RPRD2: variants seen among roughly 807,000 people sequenced by gnomAD.
The protein encoded by RPRD2 is regulation of nuclear pre-mRNA domain-containing protein 2.
Under a neutral mutation model 104.4 loss-of-function variants are expected in RPRD2, and 12 were observed. The observed-to-expected ratio is 0.11, with a 90% CI of 0.07 to 0.19. The LOEUF (loss-of-function observed/expected upper bound fraction) is 0.19. RPRD2 is among the 10% of genes least tolerant of loss of function. RPRD2 has a pLI of 1.00. For synonymous variants in RPRD2, 714 were observed against 684.9 expected, an observed-to-expected ratio of 1.04 and a Z score of -0.66; for missense variants, 1,543 against 1,790.1, an observed-to-expected ratio of 0.86 and a Z score of 2.49.
intron 1 of RPRD2, among the ~76,000 whole-genome samples, chr1:150,383,306 G>GGTTTTT (rs1553881150): frequency 1.6e-5 from 2 of 126,740 alleles, no homozygotes; most frequent in Non-Finnish European, 3.3e-5. Context: ...CAAATAAGAG[G>GGTTTTT]TTTTTTTTTT....
At chr1:150,431,473 A>ATTGTTTTTTTTTTTTTTTTTTTT (rs1665569162) in intron 2 of RPRD2, among the ~76,000 whole-genome samples, 1 of 78,850 alleles carries the variant, frequency 1.3e-5, no homozygotes, top group African/African-American at 4.5e-5. Flanking sequence ...AAAAGGAAGG[A>ATTGTTTTTTTTTTTTTTTTTTTT]TTTTTTTTTT....
Position 150,457,360 on chromosome 1 carries a change from G to T in RPRD2, c.943G>T (p.Asp315Tyr). ...KLDQLKSTLP[D>Y]PEESPVPSPS... ...GGATCAATTGAAGTCAACCCTTCCA[G>T]ATCCTGAAGAATCACCAGTTCCTTC... Residue 315 changes from aspartate to tyrosine, a missense_variant, in exon 8 of 11, where the codon GAT becomes TAT. Asp to Tyr is a radical substitution (Grantham distance 160). Around this residue, in one of 4 missense-constraint regions of RPRD2, gnomAD observed 572 missense variants for 787.3 expected, o/e 0.73. Coordinates refer to ENST00000369068, the MANE Select transcript of RPRD2 (RefSeq NM_015203.5). 6.2e-7 allele frequency: 1 copy of T among 1,610,348 alleles called. No individual in the cohort carries two copies. Among genetic ancestry groups the T allele is most frequent in the Non-Finnish European group, 8.5e-7 (1 of 1,176,630 alleles).
Position 150,364,668 on chromosome 1 carries a change from C to T in RPRD2, c.-47C>T. 8.7e-7 allele frequency: 1 copy of T among 1,145,880 alleles called. No homozygotes were observed. The highest frequency in any genetic ancestry group is 1.2e-6 in the Non-Finnish European group (1 of 809,122). 71.0% of individuals were successfully genotyped at this position (1,145,880 alleles called of 1,614,324 possible). ...GTTTTGCCCGCTCCCGCCGCCGCCG[C>T]CGCCGCCGCCGCCAGAGGAGCAGCA... On this transcript the variant is annotated 5_prime_UTR_variant, in exon 1 of 11. Transcript: ENST00000369068.
In RPRD2 at chr1:150,465,447, T is replaced by C. The variant is rs191073340; in HGVS notation, c.1612+720T>C. Among the ~76,000 whole-genome samples the C allele has an allele frequency of 5.0e-3, 754 of 152,302 alleles. 5 individuals carry two copies. Among genetic ancestry groups the C allele is most frequent in the Non-Finnish European group, 7.6e-3 (518 of 68,034 alleles). On this transcript the variant is annotated intron_variant, in intron 10 of 10. Coordinates refer to ENST00000369068, the MANE Select transcript of RPRD2 (RefSeq NM_015203.5). ...TTTTTTATATTTATCATCTATGAGC[T>C]GACATCTGAAGAATTATAAAATGTG...
intron 1 of RPRD2, among the ~76,000 whole-genome samples, chr1:150,394,942 A>G (rs936508756): frequency 6.6e-6 from 1 of 152,228 alleles, no homozygotes; most frequent in Non-Finnish European, 1.5e-5. Context: ...CAAAGGTTTT[A>G]TCAGAAAATA....
rs776287418 is a variant in RPRD2 at position 150,472,008 on chromosome 1, C to G, written c.3060C>G (p.Pro1020=). Residue 1020 remains proline, a synonymous_variant, in exon 11 of 11, where the codon CCC becomes CCG. Transcript: ENST00000369068. ...KNMLKNASRK[P]SDDKHFGQAP... ...TGCTTAAAAACGCCTCACGTAAGCCCTCAGATGATAAGCATTTTGGCCAGG... is the reference window on the plus strand; with the variant it reads ...TGCTTAAAAACGCCTCACGTAAGCCGTCAGATGATAAGCATTTTGGCCAGG... 6.2e-7 allele frequency: 1 copy of G among 1,613,944 alleles called. No homozygotes were observed. Among genetic ancestry groups the G allele is most frequent in the South Asian group, 1.1e-5 (1 of 91,082 alleles).
chr1:150,431,273 T>A (rs924378906), intron 2 of RPRD2, among the ~76,000 whole-genome samples: 8 of 151,974 alleles, frequency 5.3e-5, no homozygotes, highest in African/African-American at 1.9e-4. Context: ...TACCACATGA[T>A]CCAGCAGTTC....
chr1:150,464,647 T>C lies in RPRD2; in HGVS notation c.1532T>C (p.Leu511Pro). 6.2e-7 allele frequency: 1 copy of C among 1,612,586 alleles called. No individual in the cohort carries two copies. Among genetic ancestry groups the C allele is most frequent in the Non-Finnish European group, 8.5e-7 (1 of 1,179,406 alleles). The stretch of plus-strand genomic sequence containing the variant: ...TCTCACAACCCTCTGGCAAATATCC[T>C]CTCCAAGGTGGAGATCACCCCAGAG... Reference protein sequence around the residue: ...TTSHNPLANILSKVEITPESI... With the variant: ...TTSHNPLANIPSKVEITPESI... Residue 511 changes from leucine to proline, a missense_variant, in exon 10 of 11, where the codon CTC (leucine) becomes CCC (proline). Around this residue, in one of 4 missense-constraint regions of RPRD2, gnomAD observed 572 missense variants for 787.3 expected, o/e 0.73. Transcript: ENST00000369068.
chr1:150,441,137 C>T (rs797043682), intron 3 of RPRD2, 114 bp downstream of exon 3: 16 of 544,222 alleles, frequency 2.9e-5, no homozygotes, highest in African/African-American at 2.6e-4. Flanking sequence ...TTGAATCTAG[C>T]CCTATTTGTT....
At chr1:150,415,053 G>A (rs1217039107) in intron 1 of RPRD2, among the ~76,000 whole-genome samples, 1 of 152,188 alleles carries the variant, frequency 6.6e-6, no homozygotes, top group Non-Finnish European at 1.5e-5. Flanking sequence ...GGTCGGGTGC[G>A]GTGGCTTATG....
At chr1:150,467,155 A>G (rs1292763642) in intron 10 of RPRD2, among the ~76,000 whole-genome samples, 1 of 152,176 alleles carries the variant, frequency 6.6e-6, no homozygotes, top group African/African-American at 2.4e-5. Context: ...CTAAACTGTT[A>G]TGTAAGTGGA....
In RPRD2 at chr1:150,471,112, G is replaced by A; in HGVS notation, c.2164G>A (p.Gly722Arg). The change falls in exon 11 of 11, where the codon GGA becomes AGA. Residue 722 changes from glycine to arginine, a missense_variant. By Grantham distance (125) the Gly-to-Arg change is moderately radical. Coordinates refer to ENST00000369068, the MANE Select transcript of RPRD2 (RefSeq NM_015203.5). This position sits in a 1 kb window ranked among gnomAD's most constrained non-coding sequence, Gnocchi z 5.3. ...TAGCACCTCAATCGACAACATTGAT[G>A]GAACCCCTGTACGGGATGAACGGAG... ...PTSTSIDNID[G>R]TPVRDERSGT... The A allele has an allele frequency of 6.2e-7, 1 of 1,613,954 alleles. No homozygotes were observed. The highest frequency in any genetic ancestry group is 8.5e-7 in the Non-Finnish European group (1 of 1,179,892).
In RPRD2 at chr1:150,473,080, C is replaced by A. The variant is rs1263154402; in HGVS notation, c.4132C>A (p.His1378Asn). 3.1e-6 allele frequency: 5 copies of A among 1,613,924 alleles called. No individual in the cohort carries two copies. Among genetic ancestry groups the A allele is most frequent in the Non-Finnish European group, 4.2e-6 (5 of 1,179,894 alleles). The part of the protein sequence containing the change: ...SLTLPSHSLE[H>N]LGPPHGGGGG... Reference sequence around the variant, plus strand: ...CACCCTACCCTCCCATTCTCTGGAACACCTGGGCCCACCCCATGGAGGAGG... The same window carrying A: ...CACCCTACCCTCCCATTCTCTGGAAAACCTGGGCCCACCCCATGGAGGAGG... The change falls in exon 11 of 11, where the codon CAC becomes AAC. Residue 1378 changes from histidine (H) to asparagine (N), a missense_variant. His to Asn is a moderately conservative substitution (Grantham distance 68). This residue lies in a region of RPRD2 where 880 missense variants were observed against 885.6 expected (regional missense o/e 0.99). Coordinates refer to ENST00000369068, the MANE Select transcript of RPRD2 (RefSeq NM_015203.5).
Position 150,473,397 on chromosome 1 carries a change from A to G in RPRD2, c.*63A>G. 1.4e-6 allele frequency: 2 copies of G among 1,446,522 alleles called. No individual in the cohort carries two copies. The highest frequency in any genetic ancestry group is 1.8e-6 in the Non-Finnish European group (2 of 1,081,682). 89.6% of individuals were successfully genotyped at this position (1,446,522 alleles called of 1,614,324 possible). On this transcript the variant is annotated 3_prime_UTR_variant, in exon 11 of 11. Coordinates refer to ENST00000369068, the MANE Select transcript of RPRD2 (RefSeq NM_015203.5). ...AACATTGGAAGTAGGAGTTTGGTTTATTGTTGTTGTTTTTATTTGTTTTCT... is the reference window on the plus strand; with the variant it reads ...AACATTGGAAGTAGGAGTTTGGTTTGTTGTTGTTGTTTTTATTTGTTTTCT...
intron 2 of RPRD2, among the ~76,000 whole-genome samples, chr1:150,422,293 G>A (rs782468515): frequency 2.0e-5 from 3 of 147,598 alleles, no homozygotes; most frequent in Non-Finnish European, 4.5e-5. Flanking sequence ...GCAGTGAGCC[G>A]AGATCATGCC....
intron 1 of RPRD2, among the ~76,000 whole-genome samples, chr1:150,392,390 A>G (rs1459342029): frequency 1.3e-5 from 2 of 152,062 alleles, no homozygotes; most frequent in African/African-American, 4.8e-5. Context: ...CTGTAATCCC[A>G]GTTATCGGGT....
intron 1 of RPRD2, among the ~76,000 whole-genome samples, chr1:150,377,834 T>A (rs1369644508): frequency 2.6e-5 from 4 of 152,086 alleles, no homozygotes; most frequent in African/African-American, 7.2e-5. Context: ...ATAAAAAATA[T>A]GAATTTATAA....
At chr1:150,396,282 T>A (rs1487940300) in intron 1 of RPRD2, among the ~76,000 whole-genome samples, 3 of 152,014 alleles carry the variant, frequency 2.0e-5, no homozygotes. Flanking sequence ...ATTGTGAAGA[T>A]TTTCTCCCAC....
chr1:150,473,392 G>C lies in RPRD2; in HGVS notation c.*58G>C, dbSNP rs1271979190. On this transcript the variant is annotated 3_prime_UTR_variant, in exon 11 of 11. Coordinates refer to ENST00000369068, the MANE Select transcript of RPRD2 (RefSeq NM_015203.5). Reference sequence around the variant, plus strand: ...TAGAGAACATTGGAAGTAGGAGTTTGGTTTATTGTTGTTGTTTTTATTTGT... The same window carrying C: ...TAGAGAACATTGGAAGTAGGAGTTTCGTTTATTGTTGTTGTTTTTATTTGT... 1 of 1,457,192 alleles carries C rather than the reference G, an allele frequency of 6.9e-7. No homozygotes were observed. Among genetic ancestry groups the C allele is most frequent in the African/African-American group, 1.4e-5 (1 of 70,238 alleles). 90.3% of individuals were successfully genotyped at this position (1,457,192 alleles called of 1,614,324 possible).
Sources: allele counts gnomAD v4.1 joint callset (sites outside exome capture counted in the v4.1 genomes callset), GRCh38; gene constraint gnomAD v4.1.1; regional missense constraint gnomAD v4.1.1; non-coding constraint Gnocchi (gnomAD v3.1); transcripts MANE v1.5; gene names NCBI Gene and HGNC (gene_info 2026-07-23, HGNC 2026-07-21).